The following SORCS3 variants were observed in gnomAD, a reference collection of about 807,000 sequenced individuals.
The protein encoded by SORCS3 is sortilin related VPS10 domain containing receptor 3.
Under a neutral mutation model 146.3 loss-of-function variants are expected in SORCS3, and 57 were observed. The observed-to-expected ratio is 0.39, with a 90% CI of 0.31 to 0.49. The LOEUF is 0.49. Ranked by LOEUF, SORCS3 falls within the 20% of genes least tolerant of loss-of-function variation. The pLI is 0.92. For synonymous variants in SORCS3, 653 were observed against 618.5 expected (o/e 1.06, Z -0.83); for missense variants, 1,341 against 1,575.5 (o/e 0.85, Z 2.52).
chr10:104,902,750 A>G (rs1279310447), intron 2 of SORCS3, among the ~76,000 whole-genome samples: 1 of 152,164 alleles, frequency 6.6e-6, no homozygotes, highest in Non-Finnish European at 1.5e-5. Flanking sequence ...TGCTTTATGT[A>G]GGTTTTCTCA....
rs138748169 is a variant in SORCS3 at position 105,002,651 on chromosome 10, T to C, written c.954+25158T>C. On this transcript the variant is annotated intron_variant, in intron 4 of 26. Coordinates refer to ENST00000369701, the MANE Select transcript of SORCS3 (RefSeq NM_014978.3). ...GTATTCGGTAGCCCCATGTGACTGGTTACCTACCCTCTTGGGTAATGCAGA... is the reference window on the plus strand; with the variant it reads ...GTATTCGGTAGCCCCATGTGACTGGCTACCTACCCTCTTGGGTAATGCAGA... Among the ~76,000 whole-genome samples the C allele has an allele frequency of 4.6e-5, 7 of 152,360 alleles. No individual in the cohort carries two copies. The East Asian group carries it at 1.3e-3, about 29-fold the overall frequency.
chr10:105,159,578 C>A (rs1183084322), intron 11 of SORCS3, among the ~76,000 whole-genome samples: 1 of 152,166 alleles, frequency 6.6e-6, no homozygotes, highest in African/African-American at 2.4e-5. Flanking sequence ...CTAAAGTCTC[C>A]GGGGAGTATG....
chr10:104,868,796 T>C (rs896216581), intron 2 of SORCS3, among the ~76,000 whole-genome samples: 2 of 152,348 alleles, frequency 1.3e-5, no homozygotes, highest in East Asian at 3.9e-4. Flanking sequence ...TTGGAGCAAC[T>C]AGCCAATCTC....
At chr10:104,901,247 A>G (rs2018848057) in intron 2 of SORCS3, among the ~76,000 whole-genome samples, 1 of 152,182 alleles carries the variant, frequency 6.6e-6, no homozygotes, top group African/African-American at 2.4e-5. Flanking sequence ...CAACCCAGGA[A>G]AAACTTTTTA....
At chr10:104,725,335 A>G (rs1009514733) in intron 1 of SORCS3, among the ~76,000 whole-genome samples, 1 of 152,138 alleles carries the variant, frequency 6.6e-6, no homozygotes, top group Non-Finnish European at 1.5e-5. Flanking sequence ...ATTCCTGTGG[A>G]AGTTTTGTCT....
At chr10:104,867,042 A>C (rs567586957) in intron 2 of SORCS3, among the ~76,000 whole-genome samples, 32 of 152,258 alleles carry the variant, frequency 2.1e-4, no homozygotes, top group African/African-American at 7.2e-4. Context: ...GGAACTAGGG[A>C]TTCCTGGGGT....
At chr10:105,149,657 C>G (rs1449073786) in intron 9 of SORCS3, among the ~76,000 whole-genome samples, 2 of 152,212 alleles carry the variant, frequency 1.3e-5, no homozygotes, top group South Asian at 2.1e-4. Context: ...ATTCATGTCC[C>G]TGTGATCAGA....
chr10:105,157,150 A>G lies in SORCS3; in HGVS notation c.1495A>G (p.Lys499Glu), dbSNP rs760500476. ...IIELYEVAGI[K>E]GIFLANKKVD... ...CCTTTTTTCCTAGGTAGCAGGTATC[A>G]AAGGGATATTTCTGGCAAACAAGAA... The change falls in exon 10 of 27, where the codon AAA becomes GAA. Residue 499 changes from lysine to glutamate, a missense_variant. Physicochemically the swap from Lys to Glu is moderately conservative, Grantham distance 56. Transcript: ENST00000369701. 1 of 1,613,988 alleles carries G rather than the reference A, an allele frequency of 6.2e-7. No individual in the cohort carries two copies. Among genetic ancestry groups the G allele is most frequent in the Non-Finnish European group, 8.5e-7 (1 of 1,179,900 alleles).
chr10:104,985,948 GC>G (rs1416620500), intron 4 of SORCS3, among the ~76,000 whole-genome samples: 2 of 152,146 alleles, frequency 1.3e-5, no homozygotes. Context: ...ATTTTTAAGG[GC>G]CCTAGGATTT....
rs183146664 is a variant in SORCS3 at position 105,039,538 on chromosome 10, C to G, written c.955-3517C>G. On this transcript the variant is annotated intron_variant, in intron 4 of 26. Transcript: ENST00000369701. Reference sequence around the variant, plus strand: ...GTGGTGTGATCTTGGCTCACTGCAGCCTCCGCCTCCCAGGTTCAAGCAATT... The same window carrying G: ...GTGGTGTGATCTTGGCTCACTGCAGGCTCCGCCTCCCAGGTTCAAGCAATT... 1.4e-4 allele frequency among the ~76,000 whole-genome samples: 21 copies of G among 149,308 alleles called. No individual in the cohort carries two copies. In the East Asian group the frequency reaches 4.2e-3, roughly 30 times the overall value.
At chr10:104,675,978 T>C (rs1015634990) in intron 1 of SORCS3, among the ~76,000 whole-genome samples, 2 of 152,202 alleles carry the variant, frequency 1.3e-5, no homozygotes, top group Non-Finnish European at 2.9e-5. Flanking sequence ...TTCCTTAATT[T>C]CTCTCAGCAG....
intron 1 of SORCS3, among the ~76,000 whole-genome samples, chr10:104,714,087 CATAATGATG>C (rs2016450222): frequency 6.6e-6 from 1 of 152,096 alleles, no homozygotes; most frequent in African/African-American, 2.4e-5. Flanking sequence ...CAGCAGAATC[CATAATGATG>C]ACTAGTCTTT....
chr10:105,236,339 G>T (rs547656552), intron 20 of SORCS3, among the ~76,000 whole-genome samples: 10 of 152,100 alleles, frequency 6.6e-5, no homozygotes, highest in Non-Finnish European at 1.0e-4. Context: ...ACTACTAGAG[G>T]TGTTTATCTC....
intron 10 of SORCS3, 40 bp downstream of exon 10, chr10:105,157,324 T>G (rs2056219665): frequency 6.2e-7 from 1 of 1,607,644 alleles, no homozygotes; most frequent in Non-Finnish European, 8.5e-7. Context: ...CAGGGCAGGC[T>G]GGCCACCTGC....
chr10:104,887,926 A>C (rs1231883344), intron 2 of SORCS3, among the ~76,000 whole-genome samples: 1 of 116,876 alleles, frequency 8.6e-6, no homozygotes, highest in Non-Finnish European at 1.6e-5. Context: ...TATCTCTCTT[A>C]TCTTCCATAC....
intron 2 of SORCS3, among the ~76,000 whole-genome samples, chr10:104,899,535 C>A (rs1253803261): frequency 6.6e-6 from 1 of 152,186 alleles, no homozygotes; most frequent in Non-Finnish European, 1.5e-5. Flanking sequence ...TAGAAAGCTG[C>A]ACCTAACTTT....
intron 16 of SORCS3, among the ~76,000 whole-genome samples, chr10:105,202,660 C>T (rs991968212): frequency 5.3e-5 from 8 of 152,088 alleles, no homozygotes; most frequent in African/African-American, 1.4e-4. Context: ...TTAGACTTTC[C>T]TTGTTTCTGC....
chr10:105,046,321 T>C (rs1050466677), intron 5 of SORCS3, among the ~76,000 whole-genome samples: 1 of 152,032 alleles, frequency 6.6e-6, no homozygotes, highest in Non-Finnish European at 1.5e-5. Context: ...GCAAATATTG[T>C]TATTTATAAG....
chr10:105,055,887 C>G (rs2055442732), intron 5 of SORCS3, among the ~76,000 whole-genome samples: 2 of 152,236 alleles, frequency 1.3e-5, no homozygotes, highest in South Asian at 4.1e-4. Context: ...AGTCATCAAA[C>G]TAAAGATTGT....
Sources: allele counts gnomAD v4.1 joint callset (sites outside exome capture counted in the v4.1 genomes callset), GRCh38; gene constraint gnomAD v4.1.1; transcripts MANE v1.5; gene names NCBI Gene and HGNC (gene_info 2026-07-23, HGNC 2026-07-21).